RBM19: variants seen among roughly 807,000 people sequenced by gnomAD.
RBM19 encodes the protein probable RNA-binding protein 19.
RBM19 carries 94 observed loss-of-function variants against 116.8 expected under a neutral mutation model. The ratio of observed to expected loss-of-function variants is 0.80; its 90% CI spans 0.68 to 0.95. The LOEUF (loss-of-function observed/expected upper bound fraction) is 0.95, where lower values mean the gene tolerates loss of function less well. Among genes scored for constraint, RBM19 ranks in the 40% least tolerant of loss-of-function variants. The pLI is 0.00. For missense variants in RBM19, 1,161 were observed against 1,220.7 expected (o/e 0.95, Z 0.73); for synonymous variants, 475 against 494.1 (o/e 0.96, Z 0.51).
chr12:113,824,227 C>T (rs1156349337), intron 23 of RBM19, among the ~76,000 whole-genome samples: 1 of 152,166 alleles, frequency 6.6e-6, no homozygotes, highest in Non-Finnish European at 1.5e-5. Flanking sequence ...CACGGACAGG[C>T]AGGTCTGAAG....
intron 21 of RBM19, among the ~76,000 whole-genome samples, chr12:113,878,632 GACACACACACACAC>G (rs55868508): frequency 5.8e-5 from 8 of 137,830 alleles, no homozygotes; most frequent in African/African-American, 1.1e-4. Flanking sequence ...CATTCTCCCT[GACACACACACACAC>G]ACACACACAC....
intron 14 of RBM19, 130 bp from the exon 15 acceptor site, chr12:113,940,290 G>A (rs1870453523): frequency 2.2e-6 from 2 of 922,926 alleles, no homozygotes; most frequent in Non-Finnish European, 3.3e-6. Flanking sequence ...GCACTTAGGA[G>A]GAAGACCCAG....
intron 21 of RBM19, among the ~76,000 whole-genome samples, chr12:113,894,945 C>T (rs1443848769): frequency 6.6e-6 from 1 of 152,232 alleles, no homozygotes; most frequent in Non-Finnish European, 1.5e-5. Context: ...CTTCCCCAAG[C>T]CTGCTCTTCT....
intron 23 of RBM19, among the ~76,000 whole-genome samples, chr12:113,826,017 C>T (rs1261399889): frequency 6.6e-6 from 1 of 152,238 alleles, no homozygotes; most frequent in Non-Finnish European, 1.5e-5. Flanking sequence ...TCCCACTCTG[C>T]TCAGGCACTC....
intron 18 of RBM19, among the ~76,000 whole-genome samples, chr12:113,923,286 T>C (rs1372711625): frequency 6.6e-6 from 1 of 152,198 alleles, no homozygotes; most frequent in African/African-American, 2.4e-5. Flanking sequence ...GAGGAGGCCA[T>C]CTATAAGCCC....
chr12:113,858,798 T>A lies in RBM19; in HGVS notation c.2657A>T (p.Asp886Val), dbSNP rs1443456674. The A allele has an allele frequency of 1.2e-5, 20 of 1,613,824 alleles. No homozygotes were observed. Among genetic ancestry groups the A allele is most frequent in the Non-Finnish European group, 1.7e-5 (20 of 1,179,902 alleles). The change falls in exon 22 of 24, where the codon GAT (aspartate) becomes GTT (valine). Residue 886 changes from aspartate (D) to valine (V), a missense_variant. Transcript: ENST00000261741. The part of the protein sequence containing the change: ...FGFVDFLTKQ[D>V]AKRAFNALCH... Reference sequence around the variant, plus strand: ...AGGGATTCACGGTCTCACCTTCGCATCCTGCTTGGTGAGGAAGTCCACAAA... The same window carrying A: ...AGGGATTCACGGTCTCACCTTCGCAACCTGCTTGGTGAGGAAGTCCACAAA...
chr12:113,930,144 C>T (rs928482645), intron 16 of RBM19, among the ~76,000 whole-genome samples: 1 of 152,260 alleles, frequency 6.6e-6, no homozygotes, highest in Admixed American at 6.5e-5. Flanking sequence ...AGCAAGTACA[C>T]CAGCTCATTG....
At chr12:113,932,918 T>C (rs897275749) in intron 16 of RBM19, among the ~76,000 whole-genome samples, 2 of 151,984 alleles carry the variant, frequency 1.3e-5, no homozygotes, top group African/African-American at 4.8e-5. Context: ...GTTAGCACAA[T>C]CAAATCCAGT....
intron 16 of RBM19, among the ~76,000 whole-genome samples, chr12:113,932,231 A>C (rs1430992009): frequency 2.6e-5 from 4 of 152,290 alleles, no homozygotes; most frequent in African/African-American, 9.6e-5. Context: ...CCATCTAAAA[A>C]GGGGCTGGCC....
At chr12:113,941,143 T>C (rs1028840578) in intron 14 of RBM19, among the ~76,000 whole-genome samples, 8 of 152,216 alleles carry the variant, frequency 5.3e-5, no homozygotes, top group African/African-American at 1.9e-4. Context: ...GGCCTCAATT[T>C]TTCTCATCTG....
chr12:113,938,516 G>A lies in RBM19; in HGVS notation c.1939-1380C>T, dbSNP rs139481127. Among the ~76,000 whole-genome samples the A allele has an allele frequency of 4.6e-5, 7 of 152,292 alleles. No individual in the cohort carries two copies. The East Asian group carries it at 1.2e-3, about 25-fold the overall frequency. ...ATTGCTGAGGGAGACCAAGGTCTGC[G>A]AAGTGCTAAAGTGTCTTATAAACAG... is the stretch of plus-strand genomic sequence containing the variant. On this transcript the variant is annotated intron_variant, in intron 15 of 23. Transcript: ENST00000261741.
chr12:113,870,917 A>C (rs1879159227), intron 21 of RBM19, among the ~76,000 whole-genome samples: 1 of 152,178 alleles, frequency 6.6e-6, no homozygotes, highest in African/African-American at 2.4e-5. Flanking sequence ...ACATCCAGAC[A>C]CATCTACATG....
intron 2 of RBM19, among the ~76,000 whole-genome samples, chr12:113,961,811 C>T (rs1872522402): frequency 6.6e-6 from 1 of 152,230 alleles, no homozygotes; most frequent in African/African-American, 2.4e-5. Flanking sequence ...CAGCCCCCTG[C>T]CTGCCCAGAG....
chr12:113,832,236 C>G (rs968951428), intron 23 of RBM19, among the ~76,000 whole-genome samples: 9 of 151,512 alleles, frequency 5.9e-5, no homozygotes, highest in African/African-American at 2.2e-4. Flanking sequence ...GTTGCCCAGG[C>G]TGGAGTGCAG....
chr12:113,830,866 A>G (rs1875351912), intron 23 of RBM19, among the ~76,000 whole-genome samples: 1 of 152,188 alleles, frequency 6.6e-6, no homozygotes, highest in South Asian at 2.1e-4. Context: ...AGAGGCTGAA[A>G]GGGAGCAGCT....
At chr12:113,859,849 C>T (rs1415207905) in intron 21 of RBM19, among the ~76,000 whole-genome samples, 12 of 151,602 alleles carry the variant, frequency 7.9e-5, no homozygotes, top group Middle Eastern at 3.4e-3. Flanking sequence ...CCTGGGCACA[C>T]ACACATATGC....
intron 21 of RBM19, among the ~76,000 whole-genome samples, chr12:113,887,964 C>A (rs35474195): frequency 2.0e-5 from 3 of 152,124 alleles, no homozygotes; most frequent in Non-Finnish European, 4.4e-5. Flanking sequence ...TCAACTGATC[C>A]TCCTGGCTTG....
intron 23 of RBM19, among the ~76,000 whole-genome samples, chr12:113,837,246 TACACACACAC>T (rs34948952): frequency 2.4e-5 from 3 of 126,900 alleles, no homozygotes; most frequent in South Asian, 3.0e-4. Flanking sequence ...ATCCTCCTAA[TACACACACAC>T]ACACACACAC....
Position 113,844,717 on chromosome 12 carries a change from G to T in RBM19, c.2736C>A (p.Ser912=). 6.2e-7 allele frequency: 1 copy of T among 1,613,304 alleles called. No homozygotes were observed. The highest frequency in any genetic ancestry group is 8.5e-7 in the Non-Finnish European group (1 of 1,179,824). ...GRRLVLEWAD[S]EVTLQALRRK... is the part of the protein sequence containing the mutation. ...GCCGCAGGGCCTGCAGGGTCACCTCGGAGTCGGCCCACTCCAGCACCAGCC... is the reference window on the plus strand; with the variant it reads ...GCCGCAGGGCCTGCAGGGTCACCTCTGAGTCGGCCCACTCCAGCACCAGCC... Residue 912 remains serine (S), a synonymous_variant, in exon 23 of 24, where the codon TCC becomes TCA. Coordinates refer to ENST00000261741, the MANE Select transcript of RBM19 (RefSeq NM_016196.4).
Sources: allele counts gnomAD v4.1 joint callset (sites outside exome capture counted in the v4.1 genomes callset), GRCh38; gene constraint gnomAD v4.1.1; transcripts MANE v1.5; gene names NCBI Gene and HGNC (gene_info 2026-07-23, HGNC 2026-07-21).